The following SEMA3D variants were observed in gnomAD, a reference collection of about 807,000 sequenced individuals.
SEMA3D encodes the protein semaphorin-3D.
SEMA3D carries 84 observed loss-of-function variants against 100.1 expected under a neutral mutation model. The observed-to-expected ratio is 0.84, with a 90% CI of 0.70 to 1.01. SEMA3D has a LOEUF of 1.01. SEMA3D is among the 50% of genes least tolerant of loss of function. The pLI, the probability that SEMA3D is intolerant of heterozygous loss-of-function variation, is 0.00. For missense variants in SEMA3D, 875 were observed against 934.1 expected, an observed-to-expected ratio of 0.94 and a Z score of 0.82; for synonymous variants, 312 against 320.7, an observed-to-expected ratio of 0.97 and a Z score of 0.29.
chr7:85,098,040 AGAAAGAAAAAGAAAGGAAAGAGAGAAAAG>A, intron 3 of SEMA3D, 75 bp from the exon 4 acceptor site: 1 of 722,862 alleles, frequency 1.4e-6, no homozygotes. Context: ...GAGAGAAAGA[AGAAAGAAAAAGAAAGGAAAGAGAGAAAAG>A]GAAAGAAAAA....
At chr7:85,245,512 T>G in the SEMA3D span, among the ~76,000 whole-genome samples, 1 of 152,194 alleles carries the variant, frequency 6.6e-6, no homozygotes. Context: ...CAGTAACATA[T>G]CTTTACTCCT....
At chr7:85,072,203 TG>T (rs1334859694) in intron 6 of SEMA3D, among the ~76,000 whole-genome samples, 1 of 152,206 alleles carries the variant, frequency 6.6e-6, no homozygotes, top group Non-Finnish European at 1.5e-5. Flanking sequence ...AAAATATGCA[TG>T]TTTTTCACTT....
At chr7:85,029,165 C>T (rs1362178156) in intron 12 of SEMA3D, 2 of 652,074 alleles carry the variant, frequency 3.1e-6, no homozygotes, top group South Asian at 3.3e-5. Context: ...ACCTACTTCG[C>T]AAGTTTGAGC....
chr7:85,060,954 T>G (rs1583883568), intron 8 of SEMA3D, among the ~76,000 whole-genome samples: 1 of 152,154 alleles, frequency 6.6e-6, no homozygotes, highest in Admixed American at 6.5e-5. Context: ...TATTGTTCGC[T>G]TTCATCTTCC....
At chr7:85,063,005 A>T (rs1472112802) in intron 8 of SEMA3D, among the ~76,000 whole-genome samples, 1 of 152,148 alleles carries the variant, frequency 6.6e-6, no homozygotes, top group Admixed American at 6.5e-5. Context: ...TCCCACTGCT[A>T]CCTTCATGGT....
chr7:85,179,652 T>G (rs950402550), intron 1 of SEMA3D, among the ~76,000 whole-genome samples: 2 of 140,210 alleles, frequency 1.4e-5, no homozygotes, highest in Non-Finnish European at 3.0e-5. Context: ...GATGAGACTA[T>G]GGACTTGAAC....
At chr7:85,006,690 AT>A (rs952831927) in intron 18 of SEMA3D, 111 bp downstream of exon 18, 87 of 880,574 alleles carry the variant, frequency 9.9e-5, no homozygotes, top group African/African-American at 1.2e-4. Flanking sequence ...AAAACCTGTT[AT>A]TTTTTTTAAT....
rs1211468998 is a variant in SEMA3D at position 84,996,559 on chromosome 7, A to C, written c.*2881T>G. ...AGCTCTTTGGAAAAAAGGACTCTAC[A>C]TAAATTAATTAGACAATTCATTTCT... On this transcript the variant is annotated 3_prime_UTR_variant, in exon 19 of 19. Transcript: ENST00000284136. 6.6e-6 allele frequency: 1 copy of C among 152,344 alleles called. No individual in the cohort carries two copies. The highest frequency in any genetic ancestry group is 1.9e-4 in the East Asian group (1 of 5,206). 9.4% of individuals were successfully genotyped at this position (152,344 alleles called of 1,614,324 possible). A position where few individuals can be genotyped will look rare whatever the true frequency, so the allele number is the denominator to read the frequency against.
In SEMA3D at chr7:85,157,986, C is replaced by G. The variant is rs151104512; in HGVS notation, c.-172-4247G>C. Among the ~76,000 whole-genome samples, 116 of 152,290 alleles carry G rather than the reference C, an allele frequency of 7.6e-4. 1 individual carries two copies. Among genetic ancestry groups the G allele is most frequent in the Middle Eastern group, 6.8e-3 (2 of 294 alleles). Reference sequence around the variant, plus strand: ...CATGGACATTTATCACTTCCCCAATCAATACCCTTGTGATTTCCTATGCCT... The same window carrying G: ...CATGGACATTTATCACTTCCCCAATGAATACCCTTGTGATTTCCTATGCCT... On this transcript the variant is annotated intron_variant, in intron 1 of 18. Coordinates refer to ENST00000284136, the MANE Select transcript of SEMA3D (RefSeq NM_001384900.1).
At chr7:85,221,772 G>T in the SEMA3D span, among the ~76,000 whole-genome samples, 1 of 151,880 alleles carries the variant, frequency 6.6e-6, no homozygotes, top group Non-Finnish European at 1.5e-5. Context: ...GCTATGAATA[G>T]AACAAAAACT....
intron 14 of SEMA3D, among the ~76,000 whole-genome samples, chr7:85,018,740 G>T (rs1043746543): frequency 2.0e-5 from 3 of 151,690 alleles, no homozygotes; most frequent in Non-Finnish European, 4.4e-5. Context: ...AGTGCTCCTT[G>T]TGGATGATCA....
chr7:85,199,555 ATCTTC>A, the SEMA3D span, among the ~76,000 whole-genome samples: 1 of 152,056 alleles, frequency 6.6e-6, no homozygotes, highest in Admixed American at 6.5e-5. Context: ...AATCCAATCT[ATCTTC>A]TCTTATTTAC....
chr7:85,051,376 A>G (rs1791160550), intron 9 of SEMA3D, among the ~76,000 whole-genome samples: 1 of 151,916 alleles, frequency 6.6e-6, no homozygotes, highest in South Asian at 2.1e-4. Context: ...TTGATAAGCG[A>G]CATTTTTGAC....
rs1237787884 is a variant in SEMA3D at position 85,090,580 on chromosome 7, GATTTT to G, written c.312+7220_312+7224del. ...GATGATTTTGTTTTACAAATAATTTGATTTTAAGTGAGAAGGTTATTTATTCTTTT... is the reference window on the plus strand; with the variant it reads ...GATGATTTTGTTTTACAAATAATTTGAAGTGAGAAGGTTATTTATTCTTTT... On this transcript the variant is annotated intron_variant, in intron 4 of 18. Coordinates refer to ENST00000284136, the MANE Select transcript of SEMA3D (RefSeq NM_001384900.1). Among the ~76,000 whole-genome samples the G allele has an allele frequency of 2.0e-5, 3 of 152,178 alleles. No homozygotes were observed. The South Asian group carries it at 6.2e-4, about 32-fold the overall frequency.
At chr7:85,145,638 A>C (rs1239049056) in intron 2 of SEMA3D, among the ~76,000 whole-genome samples, 1 of 152,134 alleles carries the variant, frequency 6.6e-6, no homozygotes, top group African/African-American at 2.4e-5. Context: ...GCCAAAAAAA[A>C]ATCTGGTGGA....
intron 3 of SEMA3D, among the ~76,000 whole-genome samples, chr7:85,115,173 A>G (rs139101369): frequency 2.0e-5 from 3 of 152,318 alleles, no homozygotes; most frequent in African/African-American, 7.2e-5. Context: ...ATGCCTCAGG[A>G]AAGAAATACT....
chr7:85,073,220 A>T (rs1791826014), intron 5 of SEMA3D, 139 bp from the exon 6 acceptor site: 2 of 786,730 alleles, frequency 2.5e-6, no homozygotes, highest in Non-Finnish European at 4.1e-6. Flanking sequence ...GAAATTCTAG[A>T]CATCTGTTGT....
chr7:85,066,386 G>T (rs1791621051), intron 7 of SEMA3D, among the ~76,000 whole-genome samples: 1 of 151,568 alleles, frequency 6.6e-6, no homozygotes, highest in East Asian at 1.9e-4. Flanking sequence ...AGGACAAAGA[G>T]AAAAGAGAAA....
At chr7:85,006,187 AT>A (rs1789791444) in intron 18 of SEMA3D, among the ~76,000 whole-genome samples, 1 of 151,952 alleles carries the variant, frequency 6.6e-6, no homozygotes, top group African/African-American at 2.4e-5. Context: ...TTTGCACTTA[AT>A]TTTATAGTAA....
Sources: gnomAD v4.1 joint callset for allele counts (sites outside exome capture counted in the v4.1 genomes callset) on GRCh38, gnomAD v4.1.1 for gene constraint, MANE v1.5 for transcripts, NCBI Gene and HGNC (gene_info 2026-07-23, HGNC 2026-07-21) for gene names.